The following ASIC2 variants were observed in gnomAD, a reference collection of about 807,000 sequenced individuals.
ASIC2 encodes acid sensing ion channel subunit 2.
A neutral mutation model predicts 57.3 loss-of-function variants in ASIC2; 25 were observed. The observed-to-expected ratio is 0.44, with a 90% CI of 0.32 to 0.61. The LOEUF is 0.61. Among genes scored for constraint, ASIC2 ranks in the 20% least tolerant of loss-of-function variants. The pLI is 0.06. For missense variants in ASIC2, 641 were observed against 738.1 expected, an observed-to-expected ratio of 0.87 and a Z score of 1.52; for synonymous variants, 319 against 307.5, an observed-to-expected ratio of 1.04 and a Z score of -0.39.
intron 1 of ASIC2, among the ~76,000 whole-genome samples, chr17:33,156,619 G>T (rs1422820483): frequency 6.6e-6 from 1 of 151,884 alleles, no homozygotes; most frequent in African/African-American, 2.4e-5. Context: ...AGCCAGGTGT[G>T]GTGGCATGGG....
chr17:33,334,976 G>A (rs189545661), intron 1 of ASIC2, among the ~76,000 whole-genome samples: 195 of 152,294 alleles, frequency 1.3e-3, no homozygotes, highest in Non-Finnish European at 2.1e-3. Flanking sequence ...TTGACTCATC[G>A]CTTTGAAAAC....
At chr17:33,774,934 C>T (rs563795026) in intron 1 of ASIC2, among the ~76,000 whole-genome samples, 1 of 152,278 alleles carries the variant, frequency 6.6e-6, no homozygotes, top group East Asian at 1.9e-4. Context: ...ATGAGGGATC[C>T]TTAACAGGTA....
At chr17:33,240,144 G>A (rs1464809266) in intron 1 of ASIC2, among the ~76,000 whole-genome samples, 1 of 152,130 alleles carries the variant, frequency 6.6e-6, no homozygotes, top group East Asian at 1.9e-4. Context: ...TGGATGCTTT[G>A]GGCTTATGAG....
At chr17:33,369,191 C>A (rs1375160799) in intron 1 of ASIC2, among the ~76,000 whole-genome samples, 1 of 152,126 alleles carries the variant, frequency 6.6e-6, no homozygotes, top group African/African-American at 2.4e-5. Flanking sequence ...GGAGGGTCAC[C>A]AAGAACCTGC....
chr17:33,028,147 C>T (rs1258124377), intron 4 of ASIC2, 95 bp downstream of exon 4: 8 of 1,474,010 alleles, frequency 5.4e-6, no homozygotes, highest in East Asian at 4.6e-5. Flanking sequence ...TGGATCCCAG[C>T]GAAGTGGGTG....
At chr17:33,201,950 G>A (rs925949314) in intron 1 of ASIC2, among the ~76,000 whole-genome samples, 1 of 149,390 alleles carries the variant, frequency 6.7e-6, no homozygotes, top group African/African-American at 2.5e-5. Context: ...GAGGATTGCT[G>A]GAGCCCAGGA....
chr17:33,695,002 G>A (rs1908482794), intron 1 of ASIC2, among the ~76,000 whole-genome samples: 1 of 152,132 alleles, frequency 6.6e-6, no homozygotes, highest in Non-Finnish European at 1.5e-5. Flanking sequence ...TTAACAGAAG[G>A]AATATGGTTG....
intron 1 of ASIC2, among the ~76,000 whole-genome samples, chr17:33,316,927 C>T (rs886640997): frequency 6.6e-6 from 1 of 152,186 alleles, no homozygotes; most frequent in Admixed American, 6.5e-5. Context: ...TGACAAGGTA[C>T]TACACTCTGT....
At chr17:33,359,931 A>G (rs1313070529) in intron 1 of ASIC2, among the ~76,000 whole-genome samples, 1 of 152,074 alleles carries the variant, frequency 6.6e-6, no homozygotes, top group African/African-American at 2.4e-5. Flanking sequence ...TTGTCTCCAG[A>G]CTTCTTTTAT....
At chr17:33,233,506 T>C (rs1908182619) in intron 1 of ASIC2, among the ~76,000 whole-genome samples, 1 of 144,838 alleles carries the variant, frequency 6.9e-6, no homozygotes, top group Non-Finnish European at 1.5e-5. Flanking sequence ...GGTTACGGAA[T>C]TGGAAATTCA....
chr17:33,030,340 G>A (rs2091877867), intron 3 of ASIC2, among the ~76,000 whole-genome samples: 1 of 152,120 alleles, frequency 6.6e-6, no homozygotes, highest in African/African-American at 2.4e-5. Flanking sequence ...ATTTGCCTGT[G>A]TTAGTGTTGT....
chr17:34,099,798 G>GGAAAAGA (rs1910790947), intron 1 of ASIC2, among the ~76,000 whole-genome samples: 1 of 99,134 alleles, frequency 1.0e-5, no homozygotes, highest in African/African-American at 4.4e-5. Flanking sequence ...AAGAAAGAAA[G>GGAAAAGA]AAAGAAAAGA....
chr17:33,025,682 TTCTC>T (rs2091855981), intron 5 of ASIC2, among the ~76,000 whole-genome samples: 1 of 151,932 alleles, frequency 6.6e-6, no homozygotes, highest in East Asian at 1.9e-4. Flanking sequence ...CCATATCTCT[TTCTC>T]TCCCCAGTCC....
chr17:34,040,942 G>A (rs948296701), intron 1 of ASIC2, among the ~76,000 whole-genome samples: 1 of 149,450 alleles, frequency 6.7e-6, no homozygotes, highest in African/African-American at 2.5e-5. Flanking sequence ...ATGGAACAGA[G>A]TATCAGGGAG....
intron 8 of ASIC2, among the ~76,000 whole-genome samples, chr17:33,016,277 G>A (rs146766167): frequency 2.6e-5 from 4 of 152,328 alleles, no homozygotes; most frequent in African/African-American, 9.6e-5. Flanking sequence ...GGAAGGCCCT[G>A]CTTCACAGGG....
intron 1 of ASIC2, among the ~76,000 whole-genome samples, chr17:33,776,411 G>A (rs867776070): frequency 4.6e-5 from 7 of 152,198 alleles, no homozygotes; most frequent in Non-Finnish European, 5.9e-5. Context: ...TGGCATCTTG[G>A]TCTTGGTTTC....
At chr17:33,896,078 C>T (rs959709438) in intron 1 of ASIC2, among the ~76,000 whole-genome samples, 3 of 152,150 alleles carry the variant, frequency 2.0e-5, no homozygotes, top group African/African-American at 7.2e-5. Context: ...TGAATTGTTA[C>T]TCTGTTTATA....
intron 1 of ASIC2, among the ~76,000 whole-genome samples, chr17:33,864,158 C>T (rs575701112): frequency 6.6e-6 from 1 of 152,210 alleles, no homozygotes; most frequent in South Asian, 2.1e-4. Flanking sequence ...TCCCTTCGGC[C>T]CCCCACCCAA....
intron 1 of ASIC2, among the ~76,000 whole-genome samples, chr17:33,880,166 A>G (rs1010638269): frequency 6.6e-5 from 10 of 152,266 alleles, no homozygotes; most frequent in African/African-American, 2.4e-4. Context: ...AAGATCAAAA[A>G]TTGACATCCT....
Sources: gnomAD v4.1 joint callset for allele counts (sites outside exome capture counted in the v4.1 genomes callset) on GRCh38, gnomAD v4.1.1 for gene constraint, MANE v1.5 for transcripts, NCBI Gene and HGNC (gene_info 2026-07-23, HGNC 2026-07-21) for gene names.